Variants in TNFSF12 observed in about 807,000 individuals in gnomAD.
TNFSF12 encodes tumor necrosis factor ligand superfamily member 12.
Under a neutral mutation model 31.2 loss-of-function variants are expected in TNFSF12, and 16 were observed. The ratio of observed to expected loss-of-function variants is 0.51; its 90% CI spans 0.35 to 0.78. The LOEUF is 0.78. Ranked by LOEUF, TNFSF12 falls within the 30% of genes least tolerant of loss-of-function variation. The pLI, the probability that TNFSF12 is intolerant of heterozygous loss-of-function variation, is 0.01. For missense variants in TNFSF12, 324 were observed against 338.8 expected, an observed-to-expected ratio of 0.96 and a Z score of 0.34; for synonymous variants, 150 against 151.4, an observed-to-expected ratio of 0.99 and a Z score of 0.07.
intron 5 of TNFSF12, among the ~76,000 whole-genome samples, chr17:7,554,526 A>T (rs565942843): frequency 6.7e-5 from 10 of 149,868 alleles, no homozygotes; most frequent in Admixed American, 3.3e-4. Context: ...CGTGTTAGCC[A>T]GGATGGTCTC....
At chr17:7,551,443 G>A (rs545996406) in intron 5 of TNFSF12, among the ~76,000 whole-genome samples, 1 of 151,986 alleles carries the variant, frequency 6.6e-6, no homozygotes, top group Non-Finnish European at 1.5e-5. Context: ...CTGCCATGCT[G>A]AGCCCCTAAA....
chr17:7,552,928 A>T (rs2071016449), intron 5 of TNFSF12, among the ~76,000 whole-genome samples: 1 of 151,632 alleles, frequency 6.6e-6, no homozygotes, highest in African/African-American at 2.4e-5. Flanking sequence ...GCTGACCTTA[A>T]AGAGGGTGGT....
chr17:7,553,118 C>T (rs148023733), intron 5 of TNFSF12, among the ~76,000 whole-genome samples: 15 of 142,090 alleles, frequency 1.1e-4, no homozygotes, highest in Middle Eastern at 7.5e-3. Flanking sequence ...GGCACGATCT[C>T]GGCTGACCGT....
chr17:7,554,115 C>T (rs1219080786), intron 5 of TNFSF12, among the ~76,000 whole-genome samples: 4 of 152,104 alleles, frequency 2.6e-5, no homozygotes, highest in African/African-American at 7.2e-5. Flanking sequence ...AGGCTGGCTT[C>T]GTAGCTAGGA....
chr17:7,555,883 G>T (rs1292488263), intron 5 of TNFSF12, among the ~76,000 whole-genome samples: 1 of 151,762 alleles, frequency 6.6e-6, no homozygotes, highest in East Asian at 1.9e-4. Flanking sequence ...AGTTGGCAGG[G>T]TAAGGAAGGG....
At chr17:7,556,635 G>A in intron 5 of TNFSF12, 143 bp from the exon 6 acceptor site, 1 of 1,299,514 alleles carries the variant, frequency 7.7e-7, no homozygotes. Context: ...CATCATAGGG[G>A]ATGGGTCCTC....
intron 6 of TNFSF12, 82 bp downstream of exon 6, chr17:7,556,984 G>T: frequency 6.5e-7 from 1 of 1,538,352 alleles, no homozygotes; most frequent in Non-Finnish European, 8.8e-7. Context: ...AAGCTACAGG[G>T]CTGGGAGGGT....
chr17:7,555,695 T>C (rs1214979115), intron 5 of TNFSF12, among the ~76,000 whole-genome samples: 6 of 152,008 alleles, frequency 3.9e-5, no homozygotes, highest in Non-Finnish European at 7.4e-5. Context: ...GCAGGATAGA[T>C]AGGAACTGGT....
Position 7,550,940 on chromosome 17 carries a change from C to A in TNFSF12, c.338-3C>A. On this transcript the variant is annotated splice_polypyrimidine_tract_variant and splice_region_variant and intron_variant, in intron 4 of 6. Transcript: ENST00000293825. This position sits in a 1 kb window ranked among gnomAD's most constrained non-coding sequence, Gnocchi z 4.4. ...CTCACCAGCCTTTTCCTGTACTTTA[C>A]AGTTCATCCACGACCTGGACAGGAC... The A allele has an allele frequency of 6.2e-7, 1 of 1,614,166 alleles. No homozygotes were observed. Among genetic ancestry groups the A allele is most frequent in the Non-Finnish European group, 8.5e-7 (1 of 1,180,024 alleles).
In TNFSF12 at chr17:7,557,218, G is replaced by C. The variant is rs1336235056; in HGVS notation, c.618G>C (p.Gln206His). ...SATAASSLGPQLRLCQVSGLL... is the reference protein window; with the variant it reads ...SATAASSLGPHLRLCQVSGLL... ...CTGCGGCGAGTTCCCTCGGGCCCCA[G>C]CTCCGCCTCTGCCAGGTGTCTGGGC... The change falls in exon 7 of 7, where the codon CAG becomes CAC. Residue 206 changes from glutamine to histidine, a missense_variant. Gln to His is a conservative substitution (Grantham distance 24). Coordinates refer to ENST00000293825, the MANE Select transcript of TNFSF12 (RefSeq NM_003809.3). This position sits in a 1 kb window ranked among gnomAD's most constrained non-coding sequence, Gnocchi z 5.2. 2 of 1,612,066 alleles carry C rather than the reference G, an allele frequency of 1.2e-6. No individual in the cohort carries two copies. Among genetic ancestry groups the C allele is most frequent in the African/African-American group, 1.3e-5 (1 of 74,870 alleles).
At chr17:7,553,296 G>A (rs550414458) in intron 5 of TNFSF12, among the ~76,000 whole-genome samples, 1 of 152,098 alleles carries the variant, frequency 6.6e-6, no homozygotes, top group African/African-American at 2.4e-5. Flanking sequence ...TGTTCCACCC[G>A]CTTCGGCCTC....
Position 7,550,887 on chromosome 17 carries a change from G to A in TNFSF12, c.337+35G>A, listed in dbSNP as rs374548680. 8.1e-6 allele frequency: 13 copies of A among 1,613,742 alleles called. No homozygotes were observed. Among genetic ancestry groups the A allele is most frequent in the South Asian group, 1.1e-5 (1 of 91,056 alleles). On this transcript the variant is annotated intron_variant, in intron 4 of 6. Transcript: ENST00000293825. This position sits in a 1 kb window ranked among gnomAD's most constrained non-coding sequence, Gnocchi z 4.4. ...GGGTGAGCCATACCCAGGAGGAGAG[G>A]GGCAGGTGGCAGAGGGTCAGGGCAG...
At chr17:7,551,061 C>T (rs534431029) in intron 5 of TNFSF12, 83 bp downstream of exon 5, 1 of 1,600,830 alleles carries the variant, frequency 6.2e-7, no homozygotes, top group Non-Finnish European at 8.5e-7. Flanking sequence ...CCCTTCCCGG[C>T]CATCAGTCTC....
Position 7,549,566 on chromosome 17 carries a change from A to C in TNFSF12, c.207+45A>C, listed in dbSNP as rs1358982885. On this transcript the variant is annotated intron_variant, in intron 2 of 6. Transcript: ENST00000293825. This position sits in a 1 kb window ranked among gnomAD's most constrained non-coding sequence, Gnocchi z 4.1. Reference sequence around the variant, plus strand: ...GTCTGCAGGCTGCTGGGGCATGGGAAGTGTGCACAGCCGAGGCTGCAGGTG... The same window carrying C: ...GTCTGCAGGCTGCTGGGGCATGGGACGTGTGCACAGCCGAGGCTGCAGGTG... The C allele has an allele frequency of 4.0e-6, 6 of 1,505,010 alleles. No homozygotes were observed. Among genetic ancestry groups the C allele is most frequent in the Admixed American group, 4.2e-5 (2 of 47,646 alleles). 93.2% of individuals were successfully genotyped at this position (1,505,010 alleles called of 1,614,324 possible). A position where few individuals can be genotyped will look rare whatever the true frequency, so the allele number is the denominator to read the frequency against.
At chr17:7,555,982 G>GTTTTTTTTTTTTTTTTT (rs1167470187) in intron 5 of TNFSF12, among the ~76,000 whole-genome samples, 8 of 117,730 alleles carry the variant, frequency 6.8e-5, no homozygotes, top group Non-Finnish European at 1.2e-4. Context: ...CGTTTTTTTT[G>GTTTTTTTTTTTTTTTTT]TTTTTTTTTT....
At position 7,549,827 on chromosome 17, in the gene TNFSF12, C is replaced by G. The variant is rs1314939056; in HGVS notation, c.208-293C>G. 1.7e-6 allele frequency: 1 copy of G among 604,720 alleles called. No individual in the cohort carries two copies. Among genetic ancestry groups the G allele is most frequent in the Non-Finnish European group, 2.9e-6 (1 of 344,486 alleles). 37.5% of individuals were successfully genotyped at this position (604,720 alleles called of 1,614,324 possible). On this transcript the variant is annotated intron_variant, in intron 2 of 6. Transcript: ENST00000293825. The surrounding 1 kb of genome is among the most constrained non-coding windows in gnomAD (Gnocchi z 4.1). ...CGGTTGTGTACAGGGTGTGTATCCT[C>G]TGTGCGTGGTGACTGGGTGCGGGCA...
At position 7,557,368 on chromosome 17, in the gene TNFSF12, G is replaced by A. The variant is rs1128963; in HGVS notation, c.*18G>A. On this transcript the variant is annotated 3_prime_UTR_variant, in exon 7 of 7. Transcript: ENST00000293825. The surrounding 1 kb of genome is among the most constrained non-coding windows in gnomAD (Gnocchi z 5.2). ...TTCACTGAGGGGCCCTGGTCTCCCC[G>A]CAGTCGTCCCAGGCTGCCGGCTCCC... The A allele has an allele frequency of 0.35, 552,745 of 1,564,692 alleles. 102,485 individuals carry two copies. Among genetic ancestry groups the A allele is most frequent in the Middle Eastern group, 0.48 (2,820 of 5,820 alleles).
intron 5 of TNFSF12, among the ~76,000 whole-genome samples, chr17:7,556,253 T>G (rs890480626): frequency 1.3e-5 from 2 of 152,164 alleles, no homozygotes; most frequent in Non-Finnish European, 2.9e-5. Context: ...AATGCCGGGA[T>G]GACAGGCGTG....
At chr17:7,555,982 G>GTTTTTT (rs1167470187) in intron 5 of TNFSF12, among the ~76,000 whole-genome samples, 4 of 117,734 alleles carry the variant, frequency 3.4e-5, no homozygotes, top group Admixed American at 1.0e-4. Flanking sequence ...CGTTTTTTTT[G>GTTTTTT]TTTTTTTTTT....
Sources: gnomAD v4.1 joint callset for allele counts (sites outside exome capture counted in the v4.1 genomes callset) on GRCh38, gnomAD v4.1.1 for gene constraint, Gnocchi (gnomAD v3.1) non-coding constraint, MANE v1.5 for transcripts, NCBI Gene and HGNC (gene_info 2026-07-23, HGNC 2026-07-21) for gene names.